The following LRRC4C variants were observed in gnomAD, a reference collection of about 807,000 sequenced individuals.
The protein encoded by LRRC4C is leucine rich repeat containing 4C, also known as leucine-rich repeat-containing protein 4C.
Under a neutral mutation model 33.6 loss-of-function variants are expected in LRRC4C, and 5 were observed. That is an observed-to-expected ratio of 0.15 (90% confidence interval 0.08 to 0.31). LRRC4C has a LOEUF of 0.31. LRRC4C is among the 10% of genes least tolerant of loss of function. The probability of loss-of-function intolerance (pLI) is 1.00; values close to 1 mark genes in which losing one functional copy is unlikely to be tolerated. For missense variants in LRRC4C, 560 were observed against 796.7 expected, an observed-to-expected ratio of 0.70 and a Z score of 3.58; for synonymous variants, 329 against 302.0, an observed-to-expected ratio of 1.09 and a Z score of -0.93.
chr11:41,389,624 GA>G (rs1263632817), intron 1 of LRRC4C, among the ~76,000 whole-genome samples: 1 of 52,728 alleles, frequency 1.9e-5, no homozygotes, highest in Admixed American at 2.5e-4. Flanking sequence ...CCTAATCTAG[GA>G]TAACAGTGAG....
intron 3 of LRRC4C, among the ~76,000 whole-genome samples, chr11:40,394,005 G>T (rs772601494): frequency 6.6e-6 from 1 of 151,756 alleles, no homozygotes; most frequent in Non-Finnish European, 1.5e-5. Flanking sequence ...TCTGACAGTA[G>T]GCAAGACCAT....
At chr11:41,365,787 A>G (rs1952513230) in intron 1 of LRRC4C, among the ~76,000 whole-genome samples, 1 of 152,176 alleles carries the variant, frequency 6.6e-6, no homozygotes, top group Non-Finnish European at 1.5e-5. Context: ...TATATAATGT[A>G]CCTGCATGGT....
intron 2 of LRRC4C, among the ~76,000 whole-genome samples, chr11:40,887,598 C>T (rs925883478): frequency 6.6e-6 from 1 of 151,940 alleles, no homozygotes; most frequent in East Asian, 1.9e-4. Context: ...GGTTGTTACC[C>T]ATAGCATAGC....
intron 1 of LRRC4C, among the ~76,000 whole-genome samples, chr11:41,322,824 G>A (rs1239825992): frequency 6.6e-6 from 1 of 152,168 alleles, no homozygotes; most frequent in Non-Finnish European, 1.5e-5. Context: ...CTGCTTCCAT[G>A]ATTAATGGGA....
At chr11:40,171,082 G>A (rs761588293) in intron 5 of LRRC4C, among the ~76,000 whole-genome samples, 3 of 151,954 alleles carry the variant, frequency 2.0e-5, no homozygotes, top group Non-Finnish European at 4.4e-5. Context: ...GTTAAGAAAC[G>A]TAACAATACC....
intron 3 of LRRC4C, among the ~76,000 whole-genome samples, chr11:40,352,129 TC>T (rs1947429899): frequency 9.8e-6 from 1 of 102,198 alleles, no homozygotes; most frequent in Non-Finnish European, 2.2e-5. Flanking sequence ...CTTCCTTCCT[TC>T]CTTCCTTCCT....
At chr11:41,433,976 G>T (rs139575334) in intron 1 of LRRC4C, among the ~76,000 whole-genome samples, 1 of 151,942 alleles carries the variant, frequency 6.6e-6, no homozygotes, top group East Asian at 1.9e-4. Context: ...AGGCAAACCC[G>T]ATTCAAGCAT....
chr11:40,900,431 C>T (rs1956152081), intron 2 of LRRC4C, among the ~76,000 whole-genome samples: 1 of 152,042 alleles, frequency 6.6e-6, no homozygotes. Context: ...TTAGAAACCA[C>T]TTGGCAATAA....
At chr11:40,541,785 C>A (rs1423668773) in intron 3 of LRRC4C, among the ~76,000 whole-genome samples, 2 of 152,114 alleles carry the variant, frequency 1.3e-5, no homozygotes, top group Non-Finnish European at 1.5e-5. Context: ...GATGTTTTCC[C>A]TTTGATAGCT....
chr11:40,425,966 T>G (rs190367242), intron 3 of LRRC4C, among the ~76,000 whole-genome samples: 218 of 152,150 alleles, frequency 1.4e-3, no homozygotes, highest in Admixed American at 4.1e-3. Flanking sequence ...TGCTAAGTAC[T>G]GTATACTGTG....
At chr11:40,177,373 G>T (rs1056397247) in intron 5 of LRRC4C, among the ~76,000 whole-genome samples, 13 of 152,168 alleles carry the variant, frequency 8.5e-5, no homozygotes. Context: ...ACATCTAGCT[G>T]TACCATTCTA....
intron 2 of LRRC4C, among the ~76,000 whole-genome samples, chr11:40,665,308 TAAAAAAAAAAAA>T (rs55827045): frequency 6.9e-5 from 3 of 43,414 alleles, no homozygotes; most frequent in African/African-American, 2.4e-4. Flanking sequence ...ATTGCTTTCT[TAAAAAAAAAAAA>T]AAAAAATATA....
At chr11:40,595,611 C>T (rs937957769) in intron 3 of LRRC4C, among the ~76,000 whole-genome samples, 8 of 152,028 alleles carry the variant, frequency 5.3e-5, no homozygotes, top group African/African-American at 1.2e-4. Context: ...GTGGTATTTT[C>T]GTAATATATT....
rs529162635 is a variant in LRRC4C, at chr11:40,648,662, G to T, written c.-406-384C>A. 9.1e-4 allele frequency among the ~76,000 whole-genome samples: 139 copies of T among 152,166 alleles called. 1 individual carries two copies. The highest frequency in any genetic ancestry group is 1.6e-3 in the Non-Finnish European group (108 of 68,024). Reference sequence around the variant, plus strand: ...ACCATGGGCCTGGGCTATGTGAATTGCTTTTACATGTATTATTTTATTCAG... The same window carrying T: ...ACCATGGGCCTGGGCTATGTGAATTTCTTTTACATGTATTATTTTATTCAG... On this transcript the variant is annotated intron_variant, in intron 2 of 6. Transcript: ENST00000528697.
intron 3 of LRRC4C, among the ~76,000 whole-genome samples, chr11:40,367,811 AT>A (rs1294528306): frequency 2.0e-5 from 3 of 152,054 alleles, no homozygotes; most frequent in African/African-American, 4.8e-5. Context: ...CTTCTAGCTT[AT>A]TATGCAAGTT....
chr11:41,222,342 T>C (rs1056045359), intron 1 of LRRC4C, among the ~76,000 whole-genome samples: 26 of 152,140 alleles, frequency 1.7e-4, no homozygotes, highest in Non-Finnish European at 1.3e-4. Flanking sequence ...TGACTTTCCA[T>C]ACAGACAGCT....
intron 1 of LRRC4C, among the ~76,000 whole-genome samples, chr11:41,039,856 T>G (rs1411791466): frequency 1.3e-5 from 2 of 151,958 alleles, no homozygotes; most frequent in Admixed American, 1.3e-4. Flanking sequence ...AAAATATGAC[T>G]TGAGGCTGAG....
At chr11:40,288,800 T>C (rs1323850637) in intron 4 of LRRC4C, among the ~76,000 whole-genome samples, 1 of 152,230 alleles carries the variant, frequency 6.6e-6, no homozygotes, top group African/African-American at 2.4e-5. Flanking sequence ...ATATTAGTAA[T>C]GGAATTTTAT....
chr11:41,253,811 C>G (rs1220014103), intron 1 of LRRC4C, among the ~76,000 whole-genome samples: 2 of 152,116 alleles, frequency 1.3e-5, no homozygotes, highest in African/African-American at 4.8e-5. Flanking sequence ...GAACTCTGCA[C>G]TCTAAAAGAG....
Sources: allele counts gnomAD v4.1 joint callset (sites outside exome capture counted in the v4.1 genomes callset), GRCh38; gene constraint gnomAD v4.1.1; transcripts MANE v1.5; gene names NCBI Gene and HGNC (gene_info 2026-07-23, HGNC 2026-07-21).